Variants in RAPSN observed in about 807,000 individuals in gnomAD.
RAPSN encodes the protein receptor associated protein of the synapse.
In RAPSN, 33 loss-of-function variants were observed where a neutral mutation model predicts 45.7. The observed-to-expected ratio is 0.72, with a 90% CI of 0.55 to 0.97. The LOEUF is 0.97. Among genes scored for constraint, RAPSN ranks in the 50% least tolerant of loss-of-function variants. The probability of loss-of-function intolerance (pLI) is 0.00; values close to 1 mark genes in which losing one functional copy is unlikely to be tolerated. For synonymous variants in RAPSN, 244 were observed against 233.6 expected (o/e 1.04, Z -0.40); for missense variants, 519 against 559.4 (o/e 0.93, Z 0.73).
chr11:47,445,464 C>T (rs1190570706), intron 2 of RAPSN, among the ~76,000 whole-genome samples: 3 of 150,952 alleles, frequency 2.0e-5, no homozygotes, highest in African/African-American at 4.9e-5. Flanking sequence ...GGCATAGTGG[C>T]GTGTGCCGGT....
rs1437712619 is a variant in RAPSN at position 47,438,732 on chromosome 11, CT to C, written c.1165del (p.Arg389GlyfsTer19). On this transcript the variant is annotated frameshift_variant and splice_region_variant, in exon 7 of 8. Coordinates refer to ENST00000298854, the MANE Select transcript of RAPSN (RefSeq NM_005055.5). LOFTEE classifies it high-confidence loss of function. ...ALPCSHIFHLRCLQNNGTRSC... is the reference protein window; with the variant it reads ...ALPCSHIFHLXCLQNNGTRSC... ...TGTCCACCCCCCCAGGAGCCCCCAC[CT>C]GAGGTGGAAGATGTGGGAGCAAGGT... is the stretch of plus-strand genomic sequence containing the variant. The C allele has an allele frequency of 6.4e-7, 1 of 1,560,768 alleles. No homozygotes were observed. The highest frequency in any genetic ancestry group is 8.7e-7 in the Non-Finnish European group (1 of 1,150,446).
chr11:47,438,826 C>T lies in RAPSN; in HGVS notation c.1072G>A (p.Glu358Lys). The change falls in exon 7 of 8, where the codon GAG (glutamate) becomes AAG (lysine). Residue 358 changes from glutamate to lysine, a missense_variant. Transcript: ENST00000298854. Reference protein sequence around the residue: ...HVVRFHECVEETELYCGLCGE... With the variant: ...HVVRFHECVEKTELYCGLCGE... ...CACAGGCCGCAGTAGAGCTCCGTCT[C>T]CTCCACGCACTCGTGGAACCTCACA... The T allele has an allele frequency of 6.4e-7, 1 of 1,573,968 alleles. No individual in the cohort carries two copies.
In RAPSN at chr11:47,441,599, G is replaced by T; in HGVS notation, c.912+12C>A. 1 of 1,603,746 alleles carries T rather than the reference G, an allele frequency of 6.2e-7. No homozygotes were observed. On this transcript the variant is annotated intron_variant, in intron 5 of 7. Coordinates refer to ENST00000298854, the MANE Select transcript of RAPSN (RefSeq NM_005055.5). ...GGGAGGGCTGGAGGCTGTGGGAAAG[G>T]CCCGACCTCACCTTGTCCAGCGCCT... is the stretch of plus-strand genomic sequence containing the variant.
chr11:47,441,771 A>T, intron 4 of RAPSN, 38 bp from the exon 5 acceptor site: 1 of 1,600,112 alleles, frequency 6.2e-7, no homozygotes, highest in Non-Finnish European at 8.5e-7. Flanking sequence ...AGGCTGTATC[A>T]GGCCTGTGCC....
intron 2 of RAPSN, among the ~76,000 whole-genome samples, chr11:47,443,791 T>C (rs1437994835): frequency 2.0e-5 from 3 of 151,490 alleles, no homozygotes; most frequent in African/African-American, 4.8e-5. Flanking sequence ...CAGCTGTGCA[T>C]AGTGGTGCAC....
chr11:47,445,471 C>T (rs1007095743), intron 2 of RAPSN, among the ~76,000 whole-genome samples: 18 of 150,782 alleles, frequency 1.2e-4, no homozygotes, highest in African/African-American at 3.4e-4. Flanking sequence ...TGGCGTGTGC[C>T]GGTAGTCCCA....
chr11:47,444,615 T>C (rs2076390083), intron 2 of RAPSN, among the ~76,000 whole-genome samples: 1 of 151,446 alleles, frequency 6.6e-6, no homozygotes, highest in South Asian at 2.1e-4. Flanking sequence ...TCCCAGCACT[T>C]TGGGAGGCCA....
At position 47,438,020 on chromosome 11, in the gene RAPSN, G is replaced by A. The variant is rs1013183854; in HGVS notation, c.1194C>T (p.Ser398=). 3 of 1,549,996 alleles carry A rather than the reference G, an allele frequency of 1.9e-6. No individual in the cohort carries two copies. Among genetic ancestry groups the A allele is most frequent in the African/African-American group, 2.7e-5 (2 of 72,994 alleles). ...TGGATGAGCGGCGGCAGTTGGGACAGCTCCGGGTCCCGTTGTTCTGCAGGC... is the reference window on the plus strand; with the variant it reads ...TGGATGAGCGGCGGCAGTTGGGACAACTCCGGGTCCCGTTGTTCTGCAGGC... ...LRCLQNNGTR[S]CPNCRRSSMK... is the part of the protein sequence containing the mutation. The change falls in exon 8 of 8, where the codon AGC becomes AGT. Residue 398 remains serine, a synonymous_variant. Coordinates refer to ENST00000298854, the MANE Select transcript of RAPSN (RefSeq NM_005055.5).
rs558970193 is a variant in RAPSN at position 47,446,151 on chromosome 11, C to T, written c.531+1661G>A. The stretch of plus-strand genomic sequence containing the variant: ...CTATGCGACTCAAGCTGCTCTCAAA[C>T]TCCTGGGCTCAAGCAATCCTTCTGC... On this transcript the variant is annotated intron_variant, in intron 2 of 7. Transcript: ENST00000298854. Among the ~76,000 whole-genome samples the T allele has an allele frequency of 3.3e-5, 5 of 151,824 alleles. No homozygotes were observed. The South Asian group carries it at 1.0e-3, about 32-fold the overall frequency.
rs955765131 is a variant in RAPSN, at chr11:47,449,121, G to A, written c.-157C>T. 2 of 859,572 alleles carry A rather than the reference G, an allele frequency of 2.3e-6. No homozygotes were observed. The highest frequency in any genetic ancestry group is 2.0e-5 in the Admixed American group (1 of 49,412). 53.2% of individuals were successfully genotyped at this position (859,572 alleles called of 1,614,324 possible). ...GGAATGGGGCCTGGATGGAGAGCAG[G>A]CGCCACCCTGGGAACAAAGCTGGTT... On this transcript the variant is annotated 5_prime_UTR_variant, in exon 1 of 8. Coordinates refer to ENST00000298854, the MANE Select transcript of RAPSN (RefSeq NM_005055.5).
In RAPSN at chr11:47,447,980, G is replaced by A. The variant is rs190548363; in HGVS notation, c.363C>T (p.Leu121=). Residue 121 remains leucine (L), a synonymous_variant, in exon 2 of 8, where the codon CTC becomes CTT. Coordinates refer to ENST00000298854, the MANE Select transcript of RAPSN (RefSeq NM_005055.5). The stretch of plus-strand genomic sequence containing the variant: ...CCATGCTCAGGCTGACCTGGCCTCC[G>A]AGCTGGGCACCTGCCCTGGTACCAG... ...GLPGTRAGAQ[L]GGQVSLSMGN... 1.4e-4 allele frequency: 221 copies of A among 1,613,916 alleles called. 1 individual carries two copies. The East Asian group carries it at 4.7e-3, about 34-fold the overall frequency.
rs764017521 is a variant in RAPSN, at chr11:47,441,765, T to C, written c.790-32A>G. 9 of 1,603,694 alleles carry C rather than the reference T, an allele frequency of 5.6e-6. No individual in the cohort carries two copies. In the African/African-American group the frequency reaches 9.3e-5, roughly 17 times the overall value. On this transcript the variant is annotated intron_variant, in intron 4 of 7. Transcript: ENST00000298854. Reference sequence around the variant, plus strand: ...AGCCAGGTGGGGGATGGAATCAGGCTGTATCAGGCCTGTGCCCCTGCCCCC... The same window carrying C: ...AGCCAGGTGGGGGATGGAATCAGGCCGTATCAGGCCTGTGCCCCTGCCCCC...
chr11:47,441,897 G>A lies in RAPSN; in HGVS notation c.715C>T (p.His239Tyr), dbSNP rs898960848. 9 of 1,587,296 alleles carry A rather than the reference G, an allele frequency of 5.7e-6. No individual in the cohort carries two copies. Among genetic ancestry groups the A allele is most frequent in the East Asian group, 4.5e-5 (2 of 44,076 alleles). ...AGCGCCTGCAGTGGCCGGTCCCCGT[G>A]CTGCAGCGCGATCTTCATAGACTCC... is the stretch of plus-strand genomic sequence containing the variant. ...CEESMKIALQ[H>Y]GDRPLQALCL... The change falls in exon 4 of 8, where the codon CAC becomes TAC. Residue 239 changes from histidine to tyrosine, a missense_variant. By Grantham distance (83) the His-to-Tyr change is moderately conservative. Transcript: ENST00000298854.
Position 47,448,156 on chromosome 11 carries a change from C to T in RAPSN, c.193-6G>A, listed in dbSNP as rs1565688335. Reference sequence around the variant, plus strand: ...TCGATCTGGACCACAGCGAACTGCACACAGCGACGGTGGGCAGGTGGTGCT... The same window carrying T: ...TCGATCTGGACCACAGCGAACTGCATACAGCGACGGTGGGCAGGTGGTGCT... On this transcript the variant is annotated splice_polypyrimidine_tract_variant and splice_region_variant and intron_variant, in intron 1 of 7. Coordinates refer to ENST00000298854, the MANE Select transcript of RAPSN (RefSeq NM_005055.5). 2 of 1,608,866 alleles carry T rather than the reference C, an allele frequency of 1.2e-6. No homozygotes were observed. Among genetic ancestry groups the T allele is most frequent in the Non-Finnish European group, 8.5e-7 (1 of 1,179,922 alleles).
At chr11:47,441,239 G>A (rs752584712) in intron 5 of RAPSN, 27 bp from the exon 6 acceptor site, 2 of 1,612,446 alleles carry the variant, frequency 1.2e-6, no homozygotes, top group South Asian at 2.2e-5. Context: ...GGCCAGGGCT[G>A]CGGGCAGAGC....
chr11:47,438,170 T>TGGAAG (rs2076328422), intron 7 of RAPSN, 123 bp from the exon 8 acceptor site: 2 of 1,194,512 alleles, frequency 1.7e-6, no homozygotes, highest in East Asian at 2.6e-5. Context: ...TCAGCAGCAG[T>TGGAAG]GGAAGGGAAG....
intron 2 of RAPSN, among the ~76,000 whole-genome samples, chr11:47,445,005 C>T (rs1447089559): frequency 2.6e-5 from 4 of 151,748 alleles, no homozygotes; most frequent in African/African-American, 9.7e-5. Context: ...GGGTGGACTA[C>T]AAGGTCAAGA....
At chr11:47,447,303 TG>T (rs1398554135) in intron 2 of RAPSN, among the ~76,000 whole-genome samples, 1 of 152,044 alleles carries the variant, frequency 6.6e-6, no homozygotes, top group Admixed American at 6.6e-5. Flanking sequence ...CTGACTGTGT[TG>T]ATCGTCTTTC....
chr11:47,438,276 G>C (rs1363366311), intron 7 of RAPSN, among the ~76,000 whole-genome samples: 1 of 152,144 alleles, frequency 6.6e-6, no homozygotes, highest in African/African-American at 2.4e-5. Context: ...GGAGTTGAGA[G>C]GATGGGATGG....
Sources: gnomAD v4.1 joint callset for allele counts (sites outside exome capture counted in the v4.1 genomes callset) on GRCh38, gnomAD v4.1.1 for gene constraint, MANE v1.5 for transcripts, NCBI Gene and HGNC (gene_info 2026-07-23, HGNC 2026-07-21) for gene names.